Variants in CSMD1 observed in about 807,000 individuals in gnomAD.
The protein encoded by CSMD1 is CUB and sushi domain-containing protein 1.
A neutral mutation model predicts 417.5 loss-of-function variants in CSMD1; 213 were observed. The ratio of observed to expected loss-of-function variants is 0.51; its 90% CI spans 0.46 to 0.57. The LOEUF is 0.57. Ranked by LOEUF, CSMD1 falls within the 20% of genes least tolerant of loss-of-function variation. The pLI, the probability that CSMD1 is intolerant of heterozygous loss-of-function variation, is 0.00. For missense variants in CSMD1, 6,923 were observed against 4,529.7 expected (o/e 1.53, Z -15.17); for synonymous variants, 2,862 against 1,736.8 (o/e 1.65, Z -16.11).
chr8:4,356,246 G>A (rs1317091669), intron 3 of CSMD1, among the ~76,000 whole-genome samples: 2 of 151,954 alleles, frequency 1.3e-5, no homozygotes, highest in Non-Finnish European at 2.9e-5. Flanking sequence ...TAGAACAATT[G>A]TCTCCAATCT....
chr8:4,343,254 A>G (rs1269269505), intron 3 of CSMD1, among the ~76,000 whole-genome samples: 1 of 152,100 alleles, frequency 6.6e-6, no homozygotes, highest in Non-Finnish European at 1.5e-5. Context: ...AGGAGGATGG[A>G]GGTTGCCAGT....
intron 3 of CSMD1, among the ~76,000 whole-genome samples, chr8:4,405,342 A>G (rs898522083): frequency 6.6e-6 from 1 of 152,106 alleles, no homozygotes; most frequent in Non-Finnish European, 1.5e-5. Flanking sequence ...TTTCTTCTCA[A>G]TTTCCTAAGA....
chr8:3,754,399 T>C (rs919885750), intron 5 of CSMD1, among the ~76,000 whole-genome samples: 2 of 151,944 alleles, frequency 1.3e-5, no homozygotes, highest in Admixed American at 6.6e-5. Context: ...AATGATAAAA[T>C]TCTGTGTTTC....
chr8:3,763,257 CTTCGGATATTT>C (rs1406039512), intron 5 of CSMD1, among the ~76,000 whole-genome samples: 2 of 152,130 alleles, frequency 1.3e-5, no homozygotes, highest in African/African-American at 2.4e-5. Context: ...GGTGCTTATA[CTTCGGATATTT>C]TGTCTCCTCC....
At chr8:3,702,370 T>C (rs992948348) in intron 7 of CSMD1, 5 of 152,170 alleles carry the variant, frequency 3.3e-5, no homozygotes, top group African/African-American at 1.2e-4. Context: ...CAACCAATGT[T>C]TTGTTTATCT....
At chr8:3,662,294 G>C (rs1280207940) in intron 7 of CSMD1, among the ~76,000 whole-genome samples, 5 of 152,160 alleles carry the variant, frequency 3.3e-5, no homozygotes, top group Non-Finnish European at 5.9e-5. Flanking sequence ...TCACTAGTGA[G>C]TAAAATGAAC....
intron 1 of CSMD1, among the ~76,000 whole-genome samples, chr8:4,802,978 C>T (rs935055256): frequency 1.3e-5 from 2 of 152,144 alleles, no homozygotes; most frequent in African/African-American, 4.8e-5. Flanking sequence ...TTTTCAGAAT[C>T]TTTATGTTAT....
chr8:4,207,374 A>G (rs1800040926), intron 3 of CSMD1, among the ~76,000 whole-genome samples: 1 of 152,306 alleles, frequency 6.6e-6, no homozygotes, highest in South Asian at 2.1e-4. Context: ...GTTTAGATAA[A>G]TTCACACACT....
chr8:3,998,254 G>A, intron 4 of CSMD1, 144 bp from the exon 5 acceptor site: 1 of 669,764 alleles, frequency 1.5e-6, no homozygotes, highest in Non-Finnish European at 2.5e-6. Context: ...AGAATCTTTT[G>A]GTATGTTAAT....
At chr8:4,574,736 C>T (rs1799056614) in intron 2 of CSMD1, among the ~76,000 whole-genome samples, 1 of 152,188 alleles carries the variant, frequency 6.6e-6, no homozygotes, top group Admixed American at 6.5e-5. Flanking sequence ...AGACACACAC[C>T]TTTATCATGA....
intron 14 of CSMD1, among the ~76,000 whole-genome samples, chr8:3,407,576 T>C (rs1050723111): frequency 1.3e-5 from 2 of 151,336 alleles, no homozygotes; most frequent in African/African-American, 4.9e-5. Context: ...GTTTGGTGGG[T>C]GCATGGATGG....
At chr8:4,589,537 G>A (rs2617082) in intron 2 of CSMD1, among the ~76,000 whole-genome samples, 42,420 of 152,038 alleles carry the variant, frequency 0.28, 6,125 homozygotes, top group South Asian at 0.35. Context: ...CCCAGGTTAG[G>A]AAGTGCATAA....
At chr8:3,050,842 T>C (rs1050819439) in intron 50 of CSMD1, among the ~76,000 whole-genome samples, 1 of 152,184 alleles carries the variant, frequency 6.6e-6, no homozygotes, top group Non-Finnish European at 1.5e-5. Flanking sequence ...CAAAATACTG[T>C]AGACAAAAAG....
intron 5 of CSMD1, among the ~76,000 whole-genome samples, chr8:3,950,477 A>C (rs192529193): frequency 1.3e-4 from 20 of 152,286 alleles, no homozygotes; most frequent in Non-Finnish European, 2.4e-4. Context: ...TAATGCACAA[A>C]CATAACACGC....
At chr8:4,226,282 T>C (rs928619813) in intron 3 of CSMD1, among the ~76,000 whole-genome samples, 1 of 152,198 alleles carries the variant, frequency 6.6e-6, no homozygotes. Flanking sequence ...TTTGGGTATT[T>C]GGATAAAATA....
intron 1 of CSMD1, among the ~76,000 whole-genome samples, chr8:4,702,178 T>A (rs751082291): frequency 6.6e-6 from 1 of 152,202 alleles, no homozygotes. Flanking sequence ...ACCTAGGTGA[T>A]GGGTTGACAG....
intron 2 of CSMD1, among the ~76,000 whole-genome samples, chr8:4,422,526 C>T (rs1563157065): frequency 6.6e-6 from 1 of 152,066 alleles, no homozygotes; most frequent in Non-Finnish European, 1.5e-5. Context: ...ACCATGTGAG[C>T]ATGGAACAGG....
chr8:3,268,845 T>C (rs1422327660), intron 26 of CSMD1, among the ~76,000 whole-genome samples: 2 of 152,104 alleles, frequency 1.3e-5, no homozygotes, highest in Non-Finnish European at 2.9e-5. Flanking sequence ...GACTGTTGCC[T>C]GAGGTATGGA....
chr8:3,919,332 G>C (rs1211757023), intron 5 of CSMD1, among the ~76,000 whole-genome samples: 2 of 152,042 alleles, frequency 1.3e-5, no homozygotes, highest in East Asian at 1.9e-4. Context: ...TAACACGTGG[G>C]CCAGTTTCAT....
Sources: allele counts gnomAD v4.1 joint callset (sites outside exome capture counted in the v4.1 genomes callset), GRCh38; gene constraint gnomAD v4.1.1; transcripts MANE v1.5; gene names NCBI Gene and HGNC (gene_info 2026-07-23, HGNC 2026-07-21).